OXR1: variants seen among roughly 807,000 people sequenced by gnomAD.
OXR1 encodes oxidation resistance protein 1.
In OXR1, 41 loss-of-function variants were observed where a neutral mutation model predicts 104.6. The ratio of observed to expected loss-of-function variants is 0.39; its 90% confidence interval spans 0.31 to 0.51. OXR1 has a LOEUF of 0.51. OXR1 is among the 20% of genes least tolerant of loss of function. The probability of loss-of-function intolerance (pLI) is 0.77; values close to 1 mark genes in which losing one functional copy is unlikely to be tolerated. For synonymous variants in OXR1, 348 were observed against 348.4 expected, an observed-to-expected ratio of 1.00 and a Z score of 0.01; for missense variants, 955 against 1,031.9, an observed-to-expected ratio of 0.93 and a Z score of 1.02.
intron 1 of OXR1, among the ~76,000 whole-genome samples, chr8:106,287,682 A>G (rs1812557234): frequency 6.6e-6 from 1 of 152,184 alleles, no homozygotes; most frequent in African/African-American, 2.4e-5. Context: ...TGTGCAAAAG[A>G]AAGTAGCATG....
intron 1 of OXR1, among the ~76,000 whole-genome samples, chr8:106,356,189 A>G (rs1025235195): frequency 1.3e-5 from 2 of 152,174 alleles, no homozygotes; most frequent in Admixed American, 6.5e-5. Context: ...TATCTTTTTC[A>G]ATGGCTACAT....
rs376200645 is a variant in OXR1 at position 106,455,548 on chromosome 8, TTCCTGATGTTAG to T, written c.24-63392_24-63381del. 1.5e-3 allele frequency among the ~76,000 whole-genome samples: 225 copies of T among 152,334 alleles called. 1 individual carries two copies. The highest frequency in any genetic ancestry group is 5.1e-3 in the African/African-American group (211 of 41,582). ...TTAAAATTAAGAGTCTGTGTCTGAA[TTCCTGATGTTAG>T]TCATGAGTCATTCTATTTATAGATG... On this transcript the variant is annotated intron_variant, in intron 2 of 16. Coordinates refer to ENST00000517566, the MANE Select transcript of OXR1 (RefSeq NM_001198533.2).
At chr8:106,702,402 A>G (rs775986524) in intron 7 of OXR1, among the ~76,000 whole-genome samples, 16 of 152,192 alleles carry the variant, frequency 1.1e-4, no homozygotes, top group South Asian at 4.1e-4. Context: ...CTCCTTGCCC[A>G]AGGTCACAAA....
chr8:106,717,765 C>A (rs1360187649), intron 11 of OXR1, among the ~76,000 whole-genome samples: 1 of 152,166 alleles, frequency 6.6e-6, no homozygotes, highest in Non-Finnish European at 1.5e-5. Flanking sequence ...TATAAAGCTT[C>A]TAATCTTTCA....
At chr8:106,432,987 A>G (rs75086007) in intron 2 of OXR1, among the ~76,000 whole-genome samples, 5,706 of 152,246 alleles carry the variant, frequency 0.037, 145 homozygotes, top group Admixed American at 0.044. Flanking sequence ...TAACTGCCCA[A>G]TGGGTTTTCC....
At chr8:106,530,422 G>C (rs1331848117) in intron 3 of OXR1, among the ~76,000 whole-genome samples, 1 of 152,142 alleles carries the variant, frequency 6.6e-6, no homozygotes, top group Non-Finnish European at 1.5e-5. Context: ...CTCCAGGGTA[G>C]CTGGGATTAC....
chr8:106,351,580 G>A (rs898029157), intron 1 of OXR1, among the ~76,000 whole-genome samples: 2 of 152,178 alleles, frequency 1.3e-5, no homozygotes, highest in Non-Finnish European at 2.9e-5. Flanking sequence ...CTGAAATATA[G>A]TGTGTATTGG....
chr8:106,510,753 G>T (rs1345254136), intron 2 of OXR1, among the ~76,000 whole-genome samples: 1 of 152,034 alleles, frequency 6.6e-6, no homozygotes, highest in Admixed American at 6.5e-5. Context: ...TGCACCTGTG[G>T]CTTAATTCTT....
intron 3 of OXR1, among the ~76,000 whole-genome samples, chr8:106,537,377 G>T (rs148108730): frequency 5.2e-4 from 79 of 152,260 alleles, no homozygotes; most frequent in African/African-American, 1.7e-3. Flanking sequence ...CACACAGGAT[G>T]TAAATGTCCC....
At chr8:106,270,992 A>G (rs1341340602) in intron 1 of OXR1, among the ~76,000 whole-genome samples, 1 of 152,042 alleles carries the variant, frequency 6.6e-6, no homozygotes, top group East Asian at 1.9e-4. Flanking sequence ...GTCTCCCGCT[A>G]GAGTACCCGA....
intron 3 of OXR1, among the ~76,000 whole-genome samples, chr8:106,644,116 G>A (rs1444135927): frequency 6.6e-6 from 1 of 152,270 alleles, no homozygotes; most frequent in South Asian, 2.1e-4. Flanking sequence ...TAAACTGGGA[G>A]GATAAATGAT....
At chr8:106,648,012 A>G (rs1184500779) in intron 3 of OXR1, among the ~76,000 whole-genome samples, 2 of 152,176 alleles carry the variant, frequency 1.3e-5, no homozygotes, top group African/African-American at 4.8e-5. Context: ...GTGTTTTCTC[A>G]GGATGTTACA....
intron 7 of OXR1, chr8:106,698,113 G>T: frequency 1.4e-6 from 1 of 722,512 alleles, no homozygotes; most frequent in Non-Finnish European, 2.4e-6. Context: ...CTTCTTACAT[G>T]CTTATTTTCT....
intron 1 of OXR1, among the ~76,000 whole-genome samples, chr8:106,294,532 T>G (rs1273814595): frequency 6.6e-6 from 1 of 151,882 alleles, no homozygotes; most frequent in East Asian, 1.9e-4. Flanking sequence ...TGGGGAGGAC[T>G]CAGGAAGCTT....
chr8:106,473,586 G>A (rs1274538736), intron 2 of OXR1, among the ~76,000 whole-genome samples: 1 of 151,766 alleles, frequency 6.6e-6, no homozygotes, highest in Non-Finnish European at 1.5e-5. Flanking sequence ...GCGTATGTCT[G>A]TTTTCTAAAA....
In OXR1 at chr8:106,716,580, C is replaced by T. The variant is rs1311032347; in HGVS notation, c.1956+2595C>T. On this transcript the variant is annotated intron_variant, in intron 11 of 16. Transcript: ENST00000517566. ...CGGAGCTTGCAGTGAGCCGAGATTG[C>T]GCCACTGCAGTCCGCAGTCCGGCCT... Among the ~76,000 whole-genome samples the T allele has an allele frequency of 3.4e-4, 35 of 102,488 alleles. 6 individuals carry two copies. Among genetic ancestry groups the T allele is most frequent in the Non-Finnish European group, 5.7e-4 (31 of 54,010 alleles). 67.2% of individuals were successfully genotyped at this position (102,488 alleles called of 152,430 possible). A position where few individuals can be genotyped will look rare whatever the true frequency, so the allele number is the denominator to read the frequency against.
intron 3 of OXR1, chr8:106,617,890 G>T (rs1269598598): frequency 3.6e-6 from 1 of 277,388 alleles, no homozygotes; most frequent in African/African-American, 2.3e-5. Flanking sequence ...ATCATACAGA[G>T]CATGTCGTCG....
At chr8:106,666,660 A>T (rs1232301517) in intron 3 of OXR1, among the ~76,000 whole-genome samples, 2 of 152,184 alleles carry the variant, frequency 1.3e-5, no homozygotes, top group Non-Finnish European at 2.9e-5. Flanking sequence ...AACGTCAGGA[A>T]TAAGGGGTAT....
rs1047427749 is a variant in OXR1 at position 106,359,556 on chromosome 8, T to C, written c.-58T>C. On this transcript the variant is annotated 5_prime_UTR_variant, in exon 2 of 17. Transcript: ENST00000517566. ...TAAAATTTTTAGCGGTGTTGTCGACTTGACCTGCTAATTTCCTGTTCTGGA... is the reference window on the plus strand; with the variant it reads ...TAAAATTTTTAGCGGTGTTGTCGACCTGACCTGCTAATTTCCTGTTCTGGA... 2.8e-6 allele frequency: 4 copies of C among 1,426,392 alleles called. No homozygotes were observed. Among genetic ancestry groups the C allele is most frequent in the Non-Finnish European group, 3.9e-6 (4 of 1,032,710 alleles). The allele number at this position is 1,426,392 out of a possible 1,614,324, so 88.4% of individuals were successfully genotyped here. A position where few individuals can be genotyped will look rare whatever the true frequency, so the allele number is the denominator to read the frequency against.
Sources: gnomAD v4.1 joint callset for allele counts (sites outside exome capture counted in the v4.1 genomes callset) on GRCh38, gnomAD v4.1.1 for gene constraint, MANE v1.5 for transcripts, NCBI Gene and HGNC (gene_info 2026-07-23, HGNC 2026-07-21) for gene names.